UPRT: variants seen among roughly 807,000 people sequenced by gnomAD.
UPRT encodes uracil phosphoribosyltransferase homolog.
UPRT carries 5 observed loss-of-function variants against 22.6 expected under a neutral mutation model. That is an observed-to-expected ratio of 0.22 (90% CI 0.12 to 0.47). UPRT has a LOEUF of 0.47. Ranked by LOEUF, UPRT falls within the 20% of genes least tolerant of loss-of-function variation. The probability of loss-of-function intolerance (pLI) is 0.99; values close to 1 mark genes in which losing one functional copy is unlikely to be tolerated. For missense variants in UPRT, 181 were observed against 239.9 expected, an observed-to-expected ratio of 0.75 and a Z score of 1.62; for synonymous variants, 77 against 87.7, an observed-to-expected ratio of 0.88 and a Z score of 0.68.
intron 4 of UPRT, among the ~76,000 whole-genome samples, chrX:75,209,859 G>A (rs777942921): frequency 1.6e-4 from 18 of 112,339 alleles, no homozygotes; most frequent in Non-Finnish European, 2.8e-4. Flanking sequence ...CTGGTATTTA[G>A]CCTGGTCTCT....
chrX:75,202,852 A>G (rs1024324528), intron 4 of UPRT: 1 of 112,243 alleles, frequency 8.9e-6, no homozygotes, highest in African/African-American at 3.2e-5. Context: ...AAAACACATT[A>G]AAGTACAAAG....
chrX:75,173,248 A>G (rs150521337), intron 4 of UPRT, among the ~76,000 whole-genome samples: 119 of 110,612 alleles, frequency 1.1e-3, no homozygotes, highest in African/African-American at 3.5e-3. Context: ...TGAGCTAGAT[A>G]TAGAGTGCTG....
intron 4 of UPRT, among the ~76,000 whole-genome samples, chrX:75,219,686 A>G (rs184411892): frequency 9.0e-6 from 1 of 111,330 alleles, no homozygotes; most frequent in East Asian, 2.8e-4. Flanking sequence ...TTGTAAATAT[A>G]TGGCACCCAA....
intron 1 of UPRT, 135 bp downstream of exon 1, chrX:75,274,775 G>GGTGTGTGTGTGTGTGTGTGTGTGT (rs201034223): frequency 3.6e-6 from 1 of 275,075 alleles, no homozygotes; most frequent in African/African-American, 3.2e-5. Context: ...CCTTTTATTT[G>GGTGTGTGTGTGTGTGTGTGTGTGT]GTGTGTGTGT....
chrX:75,201,622 C>A, intron 4 of UPRT: 1 of 117,218 alleles, frequency 8.5e-6, no homozygotes, highest in South Asian at 3.2e-4. Context: ...AAAACCTAAT[C>A]ACAATATGGA....
At chrX:75,254,169 T>A (rs891428917) in intron 4 of UPRT, among the ~76,000 whole-genome samples, 2 of 111,245 alleles carry the variant, frequency 1.8e-5, no homozygotes, top group Non-Finnish European at 3.8e-5. Flanking sequence ...TAGCAATGGA[T>A]CCAAACCAAG....
chrX:75,183,296 G>A (rs2082277350), intron 4 of UPRT, among the ~76,000 whole-genome samples: 1 of 111,185 alleles, frequency 9.0e-6, no homozygotes, highest in African/African-American at 3.3e-5. Context: ...CCTTGCGATA[G>A]TTTGCTCACA....
chrX:75,228,382 C>T (rs759915830), intron 4 of UPRT, among the ~76,000 whole-genome samples: 1 of 111,599 alleles, frequency 9.0e-6, no homozygotes, highest in South Asian at 3.8e-4. Context: ...TCTAGTCAAG[C>T]TAGACATGAC....
intron 4 of UPRT, among the ~76,000 whole-genome samples, chrX:75,216,955 C>A (rs1448606237): frequency 1.8e-5 from 2 of 111,466 alleles, no homozygotes; most frequent in East Asian, 5.7e-4. Context: ...GGGGTTTCAC[C>A]GTGTTAGCCA....
Position 75,290,569 on chromosome X carries a change from G to A in UPRT, c.387-2903G>A, listed in dbSNP as rs371008907. 5.4e-5 allele frequency among the ~76,000 whole-genome samples: 6 copies of A among 111,926 alleles called. No homozygotes were observed. In the East Asian group the frequency reaches 1.7e-3, roughly 31 times the overall value. ...GTAGGTGCCCATCAACAGTGGATTG[G>A]ATAAAGAAAGTGTGGTAAATATATA... is the stretch of plus-strand genomic sequence containing the variant. On this transcript the variant is annotated intron_variant, in intron 1 of 6. Coordinates refer to ENST00000373383, the MANE Select transcript of UPRT (RefSeq NM_145052.4).
chrX:75,262,360 A>G (rs954847008), intron 4 of UPRT, among the ~76,000 whole-genome samples: 2 of 111,644 alleles, frequency 1.8e-5, no homozygotes, highest in Non-Finnish European at 3.8e-5. Context: ...CAACACCATG[A>G]AAAAAGTACC....
upstream of UPRT, among the ~76,000 whole-genome samples, chrX:75,269,875 C>A (rs1471196757): frequency 9.0e-6 from 1 of 111,406 alleles, no homozygotes; most frequent in East Asian, 2.8e-4. Flanking sequence ...ACAGCAAAAG[C>A]AATGGCAGCA....
intron 4 of UPRT, among the ~76,000 whole-genome samples, chrX:75,187,357 C>G (rs911632412): frequency 6.0e-4 from 67 of 111,726 alleles, no homozygotes; most frequent in Non-Finnish European, 1.1e-3. Context: ...GGCCCCCACT[C>G]TCTTCTGGCT....
intron 4 of UPRT, among the ~76,000 whole-genome samples, chrX:75,266,454 G>A (rs932815519): frequency 8.9e-6 from 1 of 111,797 alleles, no homozygotes; most frequent in East Asian, 2.8e-4. Context: ...ATGGATTAAA[G>A]ATTTAAATGT....
intron 4 of UPRT, among the ~76,000 whole-genome samples, chrX:75,245,232 T>C (rs1193865595): frequency 1.2e-4 from 12 of 103,573 alleles, no homozygotes; most frequent in African/African-American, 3.6e-4. Context: ...TGGGATACCA[T>C]GTCACACTAG....
At chrX:75,204,188 G>C (rs1402233564) in intron 4 of UPRT, among the ~76,000 whole-genome samples, 1 of 110,278 alleles carries the variant, frequency 9.1e-6, no homozygotes, top group Non-Finnish European at 1.9e-5. Context: ...GGAAGATTAG[G>C]GACCCTAAGA....
chrX:75,278,253 G>A (rs2082639331), intron 1 of UPRT, among the ~76,000 whole-genome samples: 2 of 112,006 alleles, frequency 1.8e-5, no homozygotes, highest in South Asian at 7.5e-4. Context: ...GTATATATGT[G>A]AAACAGGCAA....
chrX:75,181,812 C>T (rs749844812), intron 4 of UPRT, among the ~76,000 whole-genome samples: 1 of 111,750 alleles, frequency 8.9e-6, no homozygotes, highest in African/African-American at 3.3e-5. Flanking sequence ...TTGAATTCCT[C>T]TCTTCCTATT....
chrX:75,188,334 C>T (rs919881826), intron 4 of UPRT, among the ~76,000 whole-genome samples: 2 of 111,972 alleles, frequency 1.8e-5, no homozygotes, highest in East Asian at 5.6e-4. Context: ...TTAGACTGCT[C>T]GGTGGTCAGG....
Sources: gnomAD v4.1 joint callset for allele counts (sites outside exome capture counted in the v4.1 genomes callset) on GRCh38, gnomAD v4.1.1 for gene constraint, MANE v1.5 for transcripts, NCBI Gene and HGNC (gene_info 2026-07-23, HGNC 2026-07-21) for gene names.